The following TSGA10IP variants were observed in gnomAD, a reference collection of about 807,000 sequenced individuals.
TSGA10IP encodes the protein testis-specific protein 10-interacting protein.
Under a neutral mutation model 63.2 loss-of-function variants are expected in TSGA10IP, and 64 were observed. The observed-to-expected ratio is 1.01, with a 90% CI of 0.83 to 1.25. The LOEUF (loss-of-function observed/expected upper bound fraction) is 1.25, where lower values mean the gene tolerates loss of function less well. TSGA10IP is among the 50% of genes most tolerant of loss of function. TSGA10IP has a pLI of 0.00. For missense variants in TSGA10IP, 681 were observed against 710.1 expected (o/e 0.96, Z 0.47); for synonymous variants, 316 against 298.3 (o/e 1.06, Z -0.61).
intron 5 of TSGA10IP, among the ~76,000 whole-genome samples, chr11:65,958,668 C>T (rs1339937939): frequency 6.6e-6 from 1 of 152,206 alleles, no homozygotes; most frequent in Non-Finnish European, 1.5e-5. Flanking sequence ...TTGAACAAGT[C>T]CCTCAACCCT....
exon 4 of TSGA10IP, chr11:65,948,038 C>T (rs1311301411): frequency 3.2e-6 from 5 of 1,569,110 alleles, no homozygotes; most frequent in African/African-American, 2.7e-5. Flanking sequence ...TGAGGGCTGC[C>T]TTCCAGGCCT....
intron 5 of TSGA10IP, among the ~76,000 whole-genome samples, chr11:65,958,308 G>A (rs760756038): frequency 6.6e-6 from 1 of 152,140 alleles, no homozygotes; most frequent in East Asian, 1.9e-4. Flanking sequence ...TCAGGGGTGT[G>A]TTTTTTAAAT....
rs750651592 is a variant in TSGA10IP at position 65,947,079 on chromosome 11, C to T, written c.285-31C>T. Reference sequence around the variant, plus strand: ...GTCAGGGCCCTCTGGGGGCTGGCGCCGACCCTGACCCCCACCCTTTCCTTC... The same window carrying T: ...GTCAGGGCCCTCTGGGGGCTGGCGCTGACCCTGACCCCCACCCTTTCCTTC... On this transcript the variant is annotated intron_variant, in intron 2 of 7. Coordinates refer to ENST00000532620, the Ensembl canonical transcript of TSGA10IP. 20 of 1,608,102 alleles carry T rather than the reference C, an allele frequency of 1.2e-5. No homozygotes were observed. The African/African-American group carries it at 1.6e-4, about 13-fold the overall frequency.
chr11:65,956,702 G>A (rs532708), intron 5 of TSGA10IP, among the ~76,000 whole-genome samples: 2 of 151,918 alleles, frequency 1.3e-5, no homozygotes, highest in Non-Finnish European at 2.9e-5. Context: ...TAATTTTTTT[G>A]TATTTTTGGT....
chr11:65,959,773 G>T (rs1210611720), intron 7 of TSGA10IP, 44 bp from the exon 8 acceptor site: 4 of 1,522,618 alleles, frequency 2.6e-6, no homozygotes, highest in Non-Finnish European at 3.5e-6. Flanking sequence ...TTGGGCATGG[G>T]GGTGGGAGCT....
chr11:65,951,024 A>T (rs1338533660), intron 4 of TSGA10IP, among the ~76,000 whole-genome samples: 3 of 152,192 alleles, frequency 2.0e-5, no homozygotes, highest in African/African-American at 7.2e-5. Flanking sequence ...GTTGTTGCAA[A>T]TGATGGGATT....
intron 4 of TSGA10IP, among the ~76,000 whole-genome samples, chr11:65,950,806 C>G (rs2134873078): frequency 6.6e-6 from 1 of 152,276 alleles, no homozygotes; most frequent in South Asian, 2.1e-4. Context: ...TCGTGATCCA[C>G]CCGCCTCAGC....
chr11:65,945,607 G>A lies in TSGA10IP; in HGVS notation c.-69G>A, dbSNP rs1160868385. On this transcript the variant is annotated 5_prime_UTR_variant, in exon 1 of 8. Transcript: ENST00000532620. ...CTTTTTGCCAGACCCATTGAGACTG[G>A]CTGAGGACTGGTTGCCATAGAGATG... 36 of 1,567,240 alleles carry A rather than the reference G, an allele frequency of 2.3e-5. No homozygotes were observed. In the East Asian group the frequency reaches 7.7e-4, roughly 33 times the overall value.
chr11:65,953,195 TA>T (rs1348293485), intron 4 of TSGA10IP, among the ~76,000 whole-genome samples: 1 of 151,990 alleles, frequency 6.6e-6, no homozygotes, highest in Non-Finnish European at 1.5e-5. Flanking sequence ...CACGCCTGGC[TA>T]ATTTTGGCAT....
intron 5 of TSGA10IP, 41 bp from the exon 6 acceptor site, chr11:65,958,842 G>A: frequency 6.4e-7 from 1 of 1,552,232 alleles, no homozygotes; most frequent in Non-Finnish European, 8.8e-7. Flanking sequence ...ATCAACAGTT[G>A]TGTCCATGGT....
chr11:65,949,498 C>T (rs956177126), intron 4 of TSGA10IP, among the ~76,000 whole-genome samples: 2 of 151,138 alleles, frequency 1.3e-5, no homozygotes, highest in Non-Finnish European at 2.9e-5. Context: ...CTCACTGCAA[C>T]CTCCGACTCC....
intron 5 of TSGA10IP, among the ~76,000 whole-genome samples, chr11:65,957,633 G>C (rs963531635): frequency 2.0e-5 from 3 of 152,196 alleles, no homozygotes; most frequent in Non-Finnish European, 4.4e-5. Flanking sequence ...CCCTGGCACA[G>C]GGCCACAGCA....
intron 7 of TSGA10IP, 21 bp from the exon 8 acceptor site, chr11:65,959,796 G>T: frequency 6.5e-7 from 1 of 1,545,590 alleles, no homozygotes; most frequent in Non-Finnish European, 8.7e-7. Context: ...AGAGTCAGGG[G>T]CCTCTATCTG....
chr11:65,957,025 T>C (rs1409904202), intron 5 of TSGA10IP, among the ~76,000 whole-genome samples: 4 of 152,214 alleles, frequency 2.6e-5, no homozygotes, highest in African/African-American at 7.2e-5. Flanking sequence ...CAGGAGACTC[T>C]GTCCTGCCTA....
At chr11:65,948,931 C>A (rs1014725751) in intron 4 of TSGA10IP, among the ~76,000 whole-genome samples, 1 of 151,996 alleles carries the variant, frequency 6.6e-6, no homozygotes, top group African/African-American at 2.4e-5. Context: ...GCTGAGATTG[C>A]AGCACTGCAC....
intron 5 of TSGA10IP, 37 bp downstream of exon 5, chr11:65,953,774 A>G: frequency 6.9e-7 from 1 of 1,451,844 alleles, no homozygotes. Flanking sequence ...TGGTTGGGAG[A>G]GGGCAGGGAG....
chr11:65,957,392 GC>G (rs1855043006), intron 5 of TSGA10IP, among the ~76,000 whole-genome samples: 1 of 152,152 alleles, frequency 6.6e-6, no homozygotes, highest in Non-Finnish European at 1.5e-5. Context: ...CTCGAGATCT[GC>G]CCGCCTCGGC....
At chr11:65,959,191 C>T in exon 7 of TSGA10IP, 1 of 1,603,686 alleles carries the variant, frequency 6.2e-7, no homozygotes, top group Non-Finnish European at 8.5e-7. Flanking sequence ...TCTCCTCAGG[C>T]CAATGCCCGG....
exon 3 of TSGA10IP, chr11:65,947,811 A>G: frequency 4.5e-6 from 7 of 1,566,540 alleles, no homozygotes; most frequent in Non-Finnish European, 5.2e-6. Context: ...AGGCAGCTAC[A>G]GAGAGACCTG....
Sources: gnomAD v4.1 joint callset for allele counts (sites outside exome capture counted in the v4.1 genomes callset) on GRCh38, gnomAD v4.1.1 for gene constraint, MANE v1.5 for transcripts, NCBI Gene and HGNC (gene_info 2026-07-23, HGNC 2026-07-21) for gene names.